ADGRB1: variants seen among roughly 807,000 people sequenced by gnomAD.
ADGRB1 encodes the protein adhesion G protein-coupled receptor B1.
A neutral mutation model predicts 175.7 loss-of-function variants in ADGRB1; 36 were observed. The ratio of observed to expected loss-of-function variants is 0.20; its 90% confidence interval spans 0.16 to 0.27. The LOEUF is 0.27. ADGRB1 is among the 10% of genes least tolerant of loss of function. The pLI is 1.00. For synonymous variants in ADGRB1, 1,054 were observed against 979.4 expected, an observed-to-expected ratio of 1.08 and a Z score of -1.42; for missense variants, 1,731 against 2,255.3, an observed-to-expected ratio of 0.77 and a Z score of 4.71.
intron 1 of ADGRB1, among the ~76,000 whole-genome samples, chr8:142,453,029 C>G (rs1253387802): frequency 9.3e-6 from 1 of 107,924 alleles, no homozygotes; most frequent in Non-Finnish European, 1.7e-5. Flanking sequence ...CTCCCTCCCG[C>G]CCGCCCGCCC....
intron 17 of ADGRB1, among the ~76,000 whole-genome samples, chr8:142,495,678 T>C (rs1475078469): frequency 6.6e-6 from 1 of 152,028 alleles, no homozygotes; most frequent in African/African-American, 2.4e-5. Context: ...TGGCCTTCTG[T>C]CTTGTGTATC....
intron 22 of ADGRB1, among the ~76,000 whole-genome samples, chr8:142,523,995 G>A (rs1844023910): frequency 1.3e-5 from 2 of 152,144 alleles, no homozygotes; most frequent in African/African-American, 4.8e-5. Flanking sequence ...CTCTAAGCAG[G>A]TGGGTCCCCC....
At chr8:142,533,620 C>T (rs561387825) in intron 25 of ADGRB1, among the ~76,000 whole-genome samples, 154 bp downstream of exon 25, 23 of 152,206 alleles carry the variant, frequency 1.5e-4, no homozygotes, top group Non-Finnish European at 4.4e-5. Flanking sequence ...GTCCACAGAG[C>T]GGGGCCTGCA....
intron 1 of ADGRB1, among the ~76,000 whole-genome samples, chr8:142,463,070 G>A (rs549148081): frequency 3.9e-5 from 6 of 152,346 alleles, no homozygotes; most frequent in African/African-American, 1.2e-4. Context: ...TCACTGTGAC[G>A]GGTAAATTAT....
intron 2 of ADGRB1, among the ~76,000 whole-genome samples, chr8:142,467,852 G>T (rs868273884): frequency 2.0e-5 from 3 of 152,234 alleles, no homozygotes; most frequent in Non-Finnish European, 4.4e-5. Context: ...ATGAGAACTG[G>T]GGTGAAGTGT....
chr8:142,521,434 G>T (rs984879563), intron 20 of ADGRB1, among the ~76,000 whole-genome samples: 1 of 152,206 alleles, frequency 6.6e-6, no homozygotes, highest in Non-Finnish European at 1.5e-5. Context: ...TGTGGCAGGT[G>T]CAGCCTTTGG....
intron 17 of ADGRB1, among the ~76,000 whole-genome samples, chr8:142,503,447 C>T (rs1446888086): frequency 6.6e-6 from 1 of 152,086 alleles, no homozygotes. Flanking sequence ...TTTGACCTTG[C>T]CACTGGGTAC....
chr8:142,526,803 CT>C (rs1300265641), intron 24 of ADGRB1, among the ~76,000 whole-genome samples, 176 bp downstream of exon 24: 1 of 152,236 alleles, frequency 6.6e-6, no homozygotes. Context: ...CAGCCAGCCC[CT>C]GCCTCTCACC....
At chr8:142,454,934 G>T (rs983652886) in intron 1 of ADGRB1, among the ~76,000 whole-genome samples, 5 of 152,084 alleles carry the variant, frequency 3.3e-5, no homozygotes, top group African/African-American at 1.2e-4. Flanking sequence ...GGGCTACCCT[G>T]CCTGGAGGGA....
chr8:142,492,917 T>C lies in ADGRB1; in HGVS notation c.2675+2102T>C, dbSNP rs1842048301. On this transcript the variant is annotated intron_variant, in intron 17 of 30. Transcript: ENST00000517894. This position sits in a 1 kb window ranked among gnomAD's most constrained non-coding sequence, Gnocchi z 4.4. Reference sequence around the variant, plus strand: ...CTCCCCACAGTGCAGAAACCCTCCATCCGGGCTGTTCGCCGGCCGCGGCAG... The same window carrying C: ...CTCCCCACAGTGCAGAAACCCTCCACCCGGGCTGTTCGCCGGCCGCGGCAG... Among the ~76,000 whole-genome samples the C allele has an allele frequency of 6.6e-6, 1 of 150,906 alleles. No individual in the cohort carries two copies. The highest frequency in any genetic ancestry group is 2.4e-5 in the African/African-American group (1 of 40,830).
Position 142,464,743 on chromosome 8 carries a change from G to A in ADGRB1, c.545G>A (p.Ser182Asn), listed in dbSNP as rs1408232147. Residue 182 changes from serine (S) to asparagine (N), a missense_variant, in exon 2 of 31, where the codon AGC becomes AAC. By Grantham distance (46) the Ser-to-Asn change is conservative (BLOSUM62 1). Transcript: ENST00000517894. Reference protein sequence around the residue: ...EYLVVGNRNPSRAACQMLCRW... With the variant: ...EYLVVGNRNPNRAACQMLCRW... ...CTGGTGGTGGGGAACCGCAACCCCA[G>A]CCGTGCCGCCTGCCAGATGCTGTGC... The A allele has an allele frequency of 1.3e-6, 2 of 1,534,434 alleles. No individual in the cohort carries two copies. The highest frequency in any genetic ancestry group is 1.7e-6 in the Non-Finnish European group (2 of 1,145,648).
Position 142,520,892 on chromosome 8 carries a change from C to T in ADGRB1, c.2991C>T (p.Leu997=), listed in dbSNP as rs1397900222. The T allele has an allele frequency of 6.2e-7, 1 of 1,613,580 alleles. No individual in the cohort carries two copies. Among genetic ancestry groups the T allele is most frequent in the Non-Finnish European group, 8.5e-7 (1 of 1,179,724 alleles). ...TGTCCATCATCTCCTCCAATGCCCT[C>T]ATCCTCATCGGGCAGACCCAGACCC... ...FCLSIISSNA[L]ILIGQTQTRN... is the part of the protein sequence containing the mutation. Residue 997 remains leucine, a synonymous_variant, in exon 20 of 31, where the codon CTC becomes CTT. Coordinates refer to ENST00000517894, the MANE Select transcript of ADGRB1 (RefSeq NM_001702.3).
intron 30 of ADGRB1, 108 bp from the exon 31 acceptor site, chr8:142,544,112 C>T: frequency 8.2e-7 from 1 of 1,223,836 alleles, no homozygotes; most frequent in East Asian, 2.5e-5. Context: ...TGTCCCCCAC[C>T]TCCCGTCCCT....
chr8:142,518,033 G>C (rs1843546221), intron 18 of ADGRB1, 105 bp from the exon 19 acceptor site: 5 of 1,064,698 alleles, frequency 4.7e-6, no homozygotes, highest in South Asian at 4.3e-5. Context: ...GCCAAACGCT[G>C]GGGGTGTGAC....
chr8:142,464,696 C>T lies in ADGRB1; in HGVS notation c.498C>T (p.Thr166=), dbSNP rs1412979204. The part of the protein sequence containing the change: ...LRPRAGPPGP[T]DDFSVEYLVV... ...CCCGGGCCGGGCCGCCGGGCCCCAC[C>T]GACGACTTCTCCGTGGAGTACCTGG... Residue 166 remains threonine (T), a synonymous_variant, in exon 2 of 31, where the codon ACC becomes ACT. Coordinates refer to ENST00000517894, the MANE Select transcript of ADGRB1 (RefSeq NM_001702.3). The T allele has an allele frequency of 4.6e-6, 7 of 1,529,290 alleles. No homozygotes were observed. The highest frequency in any genetic ancestry group is 1.2e-5 in the South Asian group (1 of 83,448). 94.7% of individuals were successfully genotyped at this position (1,529,290 alleles called of 1,614,324 possible). A position where few individuals can be genotyped will look rare whatever the true frequency, so the allele number is the denominator to read the frequency against.
At chr8:142,490,044 A>G (rs982728322) in intron 16 of ADGRB1, among the ~76,000 whole-genome samples, 4 of 152,072 alleles carry the variant, frequency 2.6e-5, no homozygotes, top group East Asian at 1.9e-4. Flanking sequence ...CCCCCAGGGA[A>G]CACGTTGCCT....
chr8:142,529,413 G>T (rs563464396), intron 24 of ADGRB1, among the ~76,000 whole-genome samples: 2 of 152,188 alleles, frequency 1.3e-5, no homozygotes, highest in African/African-American at 2.4e-5. Flanking sequence ...GTAGCCAACC[G>T]CCCCCATACC....
Position 142,518,152 on chromosome 8 carries a change from G to A in ADGRB1, c.2832G>A (p.Ala944=), listed in dbSNP as rs754941260. The A allele has an allele frequency of 4.3e-6, 7 of 1,613,554 alleles. No individual in the cohort carries two copies. The highest frequency in any genetic ancestry group is 2.7e-5 in the African/African-American group (2 of 74,904). The change falls in exon 19 of 31, where the codon GCG becomes GCA. Residue 944 remains alanine, a synonymous_variant. Coordinates refer to ENST00000517894, the MANE Select transcript of ADGRB1 (RefSeq NM_001702.3). ...GGTCCCCACAGAACATGGAGAAGGC[G>A]ACTCTGCCGTCGGTGACGCTCATCG... ...QLSADANMEK[A]TLPSVTLIVG... is the part of the protein sequence containing the mutation.
chr8:142,543,300 G>A lies in ADGRB1; in HGVS notation c.4414-103G>A. 3 of 1,480,908 alleles carry A rather than the reference G, an allele frequency of 2.0e-6. No homozygotes were observed. The highest frequency in any genetic ancestry group is 1.9e-6 in the Non-Finnish European group (2 of 1,078,886). 91.7% of individuals were successfully genotyped at this position (1,480,908 alleles called of 1,614,324 possible). A position where few individuals can be genotyped will look rare whatever the true frequency, so the allele number is the denominator to read the frequency against. On this transcript the variant is annotated intron_variant, in intron 28 of 30. Coordinates refer to ENST00000517894, the MANE Select transcript of ADGRB1 (RefSeq NM_001702.3). The surrounding 1 kb of genome is among the most constrained non-coding windows in gnomAD (Gnocchi z 4.4). ...GGTCTGGCCTGGTCCCTGAAGGCAGGCATGGGGCGAGTGAGTCCCTGATGC... is the reference window on the plus strand; with the variant it reads ...GGTCTGGCCTGGTCCCTGAAGGCAGACATGGGGCGAGTGAGTCCCTGATGC...
Sources: gnomAD v4.1 joint callset for allele counts (sites outside exome capture counted in the v4.1 genomes callset) on GRCh38, gnomAD v4.1.1 for gene constraint, Gnocchi (gnomAD v3.1) non-coding constraint, MANE v1.5 for transcripts, NCBI Gene and HGNC (gene_info 2026-07-23, HGNC 2026-07-21) for gene names.